The following NCS1 variants were observed in gnomAD, a reference collection of about 807,000 sequenced individuals.
NCS1 encodes frequenin homolog.
NCS1 carries 6 observed loss-of-function variants against 28.4 expected under a neutral mutation model. The observed-to-expected ratio is 0.21, with a 90% CI of 0.12 to 0.42. NCS1 has a LOEUF of 0.42. Ranked by LOEUF, NCS1 falls within the 10% of genes least tolerant of loss-of-function variation. The pLI, the probability that NCS1 is intolerant of heterozygous loss-of-function variation, is 1.00. For missense variants in NCS1, 131 were observed against 241.4 expected, an observed-to-expected ratio of 0.54 and a Z score of 3.03; for synonymous variants, 86 against 99.3, an observed-to-expected ratio of 0.87 and a Z score of 0.79.
chr9:130,196,158 G>A (rs1554906805), intron 1 of NCS1, among the ~76,000 whole-genome samples: 2 of 152,210 alleles, frequency 1.3e-5, no homozygotes, highest in African/African-American at 4.8e-5. Flanking sequence ...ACTGCTGGGG[G>A]CACAGGACCT....
In NCS1 at chr9:130,183,846, G is replaced by C. The variant is rs529512690; in HGVS notation, c.64+11119G>C. ...TTTTTTTGAGACAGAGTCTCGCTCT[G>C]TCGCCCAGGCTGGAGTGCAGTGGCA... is the stretch of plus-strand genomic sequence containing the variant. On this transcript the variant is annotated intron_variant, in intron 1 of 7. Transcript: ENST00000372398. 5.0e-5 allele frequency among the ~76,000 whole-genome samples: 7 copies of C among 140,366 alleles called. No homozygotes were observed. The East Asian group carries it at 1.3e-3, about 25-fold the overall frequency. The allele number at this position is 140,366 out of a possible 152,430, so 92.1% of individuals were successfully genotyped here.
intron 2 of NCS1, among the ~76,000 whole-genome samples, chr9:130,216,281 C>T (rs113151584): frequency 0.023 from 3,571 of 152,192 alleles, 61 homozygotes; most frequent in Non-Finnish European, 0.036. Context: ...GACAGTGGGA[C>T]GTGTGAAAGT....
intron 1 of NCS1, among the ~76,000 whole-genome samples, chr9:130,189,879 A>AAAAAAT (rs1554906056): frequency 1.1e-4 from 4 of 37,750 alleles, no homozygotes; most frequent in South Asian, 9.9e-4. Context: ...AAAAAAAAAA[A>AAAAAAT]ATATATATAT....
At chr9:130,229,117 A>C (rs911128038) in intron 7 of NCS1, among the ~76,000 whole-genome samples, 1 of 152,200 alleles carries the variant, frequency 6.6e-6, no homozygotes, top group East Asian at 1.9e-4. Flanking sequence ...TGTATGACTC[A>C]GATATAATCA....
In NCS1 at chr9:130,226,484, A is replaced by G. The variant is rs373209505; in HGVS notation, c.570A>G (p.Val190=). The G allele has an allele frequency of 6.0e-5, 96 of 1,612,472 alleles. No individual in the cohort carries two copies. The highest frequency in any genetic ancestry group is 8.1e-5 in the Non-Finnish European group (95 of 1,179,174). Residue 190 remains valine, a synonymous_variant, in exon 7 of 8, where the codon GTA becomes GTG. Coordinates refer to ENST00000372398, the MANE Select transcript of NCS1 (RefSeq NM_014286.4). This position sits in a 1 kb window ranked among gnomAD's most constrained non-coding sequence, Gnocchi z 4.8. The part of the protein sequence containing the change: ...VQALSLYDGL[V] ...CGCTGTCCCTCTACGACGGGCTGGT[A>G]TAGTCCCAGGCTGGAGCTGGGTGAG... is the stretch of plus-strand genomic sequence containing the variant.
At chr9:130,204,189 G>A (rs1832996006) in intron 2 of NCS1, among the ~76,000 whole-genome samples, 1 of 152,036 alleles carries the variant, frequency 6.6e-6, no homozygotes, top group African/African-American at 2.4e-5. Context: ...GACAGACGGG[G>A]TTTCACCATG....
rs921675463 is a variant in NCS1 at position 130,219,393 on chromosome 9, G to A, written c.229-332G>A. Among the ~76,000 whole-genome samples the A allele has an allele frequency of 3.9e-5, 6 of 152,138 alleles. No homozygotes were observed. The highest frequency in any genetic ancestry group is 1.2e-4 in the African/African-American group (5 of 41,406). On this transcript the variant is annotated intron_variant, in intron 3 of 7. Coordinates refer to ENST00000372398, the MANE Select transcript of NCS1 (RefSeq NM_014286.4). The surrounding 1 kb of genome is among the most constrained non-coding windows in gnomAD (Gnocchi z 5.7). The stretch of plus-strand genomic sequence containing the variant: ...CACAGCTCTAGGCCGAGGGGCTTCC[G>A]GGCTGTTGCTGAGAGGAGCTCAGGC...
chr9:130,226,279 C>T lies in NCS1; in HGVS notation c.475-110C>T, dbSNP rs1833413272. ...TTGTAGGCCCTGAGCCACGTTGCCT[C>T]CCTCCTGATCTAACCTTGGAAGGGC... On this transcript the variant is annotated intron_variant, in intron 6 of 7. Transcript: ENST00000372398. This position sits in a 1 kb window ranked among gnomAD's most constrained non-coding sequence, Gnocchi z 4.8. 10 of 892,608 alleles carry T rather than the reference C, an allele frequency of 1.1e-5. No individual in the cohort carries two copies. Among genetic ancestry groups the T allele is most frequent in the Non-Finnish European group, 1.8e-5 (10 of 553,760 alleles). 55.3% of individuals were successfully genotyped at this position (892,608 alleles called of 1,614,324 possible). A position where few individuals can be genotyped will look rare whatever the true frequency, so the allele number is the denominator to read the frequency against.
intron 6 of NCS1, among the ~76,000 whole-genome samples, chr9:130,224,077 A>G (rs1833375868): frequency 6.6e-6 from 1 of 151,218 alleles, no homozygotes; most frequent in African/African-American, 2.4e-5. Flanking sequence ...CGATCTCCTG[A>G]CTTCGTGATC....
intron 1 of NCS1, among the ~76,000 whole-genome samples, chr9:130,187,175 C>T (rs372613349): frequency 6.6e-6 from 1 of 152,110 alleles, no homozygotes; most frequent in African/African-American, 2.4e-5. Context: ...ACCTGGGAGA[C>T]GGGGGGCCCT....
rs1476144664 is a variant in NCS1, at chr9:130,226,662, G to T, written c.*17+158G>T. On this transcript the variant is annotated intron_variant, in intron 7 of 7. Transcript: ENST00000372398. This position sits in a 1 kb window ranked among gnomAD's most constrained non-coding sequence, Gnocchi z 4.8. ...GCTGGGAGGAGGAGGCTGGAAGGGG[G>T]GCCTTCAAATTGGTCAGAGCTCCTC... Among the ~76,000 whole-genome samples, 1 of 152,104 alleles carries T rather than the reference G, an allele frequency of 6.6e-6. No homozygotes were observed. Among genetic ancestry groups the T allele is most frequent in the African/African-American group, 2.4e-5 (1 of 41,420 alleles).
In NCS1 at chr9:130,200,936, A is replaced by G. The variant is rs782351545; in HGVS notation, c.65-22A>G. On this transcript the variant is annotated intron_variant, in intron 1 of 7. Transcript: ENST00000372398. ...GACACCTTCCCTGAGCTAAAAGCCT[A>G]CTTTTCTGCTTTCTCTTGCAGTTAC... 36 of 1,614,054 alleles carry G rather than the reference A, an allele frequency of 2.2e-5. No homozygotes were observed. In the African/African-American group the frequency reaches 3.5e-4, roughly 16 times the overall value.
intron 1 of NCS1, among the ~76,000 whole-genome samples, chr9:130,173,199 T>TGTG (rs1554904280): frequency 1.1e-4 from 13 of 119,788 alleles, no homozygotes; most frequent in Admixed American, 3.8e-4. Flanking sequence ...CCCGTTCGTG[T>TGTG]GGGGGGGGGG....
At chr9:130,205,069 G>A (rs1371456975) in intron 2 of NCS1, among the ~76,000 whole-genome samples, 9 of 152,084 alleles carry the variant, frequency 5.9e-5, no homozygotes, top group African/African-American at 2.2e-4. Flanking sequence ...GTGGGGAAAC[G>A]AAGATGAGAG....
intron 2 of NCS1, among the ~76,000 whole-genome samples, chr9:130,208,237 C>T (rs1450082614): frequency 6.3e-5 from 5 of 78,914 alleles, no homozygotes; most frequent in African/African-American, 1.1e-4. Context: ...GGGTGGGGGG[C>T]GGGTGTCCTC....
intron 2 of NCS1, among the ~76,000 whole-genome samples, chr9:130,217,228 A>T (rs1554909543): frequency 6.6e-6 from 1 of 152,082 alleles, no homozygotes; most frequent in East Asian, 1.9e-4. Flanking sequence ...AGGGATCTGG[A>T]GGGTTTTGTG....
chr9:130,193,203 C>T (rs1832839288), intron 1 of NCS1, among the ~76,000 whole-genome samples: 1 of 152,196 alleles, frequency 6.6e-6, no homozygotes, highest in Non-Finnish European at 1.5e-5. Flanking sequence ...ACCGAGGGGG[C>T]TCTGAGGTAC....
rs1465934190 is a variant in NCS1, at chr9:130,192,610, G to A, written c.65-8348G>A. Among the ~76,000 whole-genome samples the A allele has an allele frequency of 6.6e-6, 1 of 152,080 alleles. No homozygotes were observed. Among genetic ancestry groups the A allele is most frequent in the African/African-American group, 2.4e-5 (1 of 41,414 alleles). ...TGGCCACGTTCACACATTGGGTCAG[G>A]AGCAAAGGTGGGCAGCCAGGACTCC... On this transcript the variant is annotated intron_variant, in intron 1 of 7. Coordinates refer to ENST00000372398, the MANE Select transcript of NCS1 (RefSeq NM_014286.4). This position sits in a 1 kb window ranked among gnomAD's most constrained non-coding sequence, Gnocchi z 4.8.
intron 2 of NCS1, among the ~76,000 whole-genome samples, chr9:130,202,832 G>A (rs775538294): frequency 5.3e-4 from 81 of 152,004 alleles, no homozygotes; most frequent in Non-Finnish European, 9.6e-4. Context: ...CACCCACCTC[G>A]GCCTCCCAAA....
Sources: gnomAD v4.1 joint callset for allele counts (sites outside exome capture counted in the v4.1 genomes callset) on GRCh38, gnomAD v4.1.1 for gene constraint, Gnocchi (gnomAD v3.1) non-coding constraint, MANE v1.5 for transcripts, NCBI Gene and HGNC (gene_info 2026-07-23, HGNC 2026-07-21) for gene names.